BUD31: variants seen among roughly 807,000 people sequenced by gnomAD.
BUD31 encodes BUD31 spliceosome associated protein.
Under a neutral mutation model 17.9 loss-of-function variants are expected in BUD31, and 9 were observed. That is an observed-to-expected ratio of 0.50 (90% confidence interval 0.30 to 0.88). BUD31 has a LOEUF of 0.88. BUD31 is among the 40% of genes least tolerant of loss of function. The probability of loss-of-function intolerance (pLI) is 0.06; values close to 1 mark genes in which losing one functional copy is unlikely to be tolerated. For synonymous variants in BUD31, 70 were observed against 64.7 expected (o/e 1.08, Z -0.39); for missense variants, 148 against 184.5 (o/e 0.80, Z 1.15).
At chr7:99,414,581 GTACT>G (rs1189255104) in intron 3 of BUD31, among the ~76,000 whole-genome samples, 8 of 151,954 alleles carry the variant, frequency 5.3e-5, no homozygotes, top group African/African-American at 7.3e-5. Context: ...GAATATATCA[GTACT>G]TACTTCATTC....
intron 3 of BUD31, among the ~76,000 whole-genome samples, chr7:99,411,444 C>T (rs1795180956): frequency 6.6e-6 from 1 of 151,908 alleles, no homozygotes; most frequent in South Asian, 2.1e-4. Flanking sequence ...AAATATAGAT[C>T]AAATAGTCTA....
intron 4 of BUD31, among the ~76,000 whole-genome samples, chr7:99,416,546 G>A (rs1795475514): frequency 6.6e-6 from 1 of 151,692 alleles, no homozygotes; most frequent in East Asian, 1.9e-4. Context: ...CAGCTCCCAA[G>A]TAGCTGGGAT....
At chr7:99,409,608 G>A (rs1008183337) in intron 1 of BUD31, among the ~76,000 whole-genome samples, 1 of 152,106 alleles carries the variant, frequency 6.6e-6, no homozygotes, top group East Asian at 1.9e-4. Context: ...TAGCTTCAGC[G>A]TAGGGGAGAC....
chr7:99,418,070 C>G, intron 5 of BUD31: 1 of 897,744 alleles, frequency 1.1e-6, no homozygotes, highest in Non-Finnish European at 1.4e-6. Context: ...CGGGTTCAAG[C>G]GGTTCTCCTG....
chr7:99,416,336 C>T, intron 4 of BUD31, 76 bp downstream of exon 4: 2 of 1,533,610 alleles, frequency 1.3e-6, no homozygotes, highest in Admixed American at 1.8e-5. Flanking sequence ...AATCCTTATT[C>T]TCGCAACCTG....
intron 1 of BUD31, among the ~76,000 whole-genome samples, chr7:99,409,554 A>G (rs1043090343): frequency 7.2e-5 from 11 of 151,838 alleles, no homozygotes; most frequent in African/African-American, 1.7e-4. Context: ...TTCTCTTGTC[A>G]CAGACTATGC....
intron 5 of BUD31, chr7:99,418,061 G>C: frequency 1.0e-6 from 1 of 963,784 alleles, no homozygotes; most frequent in Non-Finnish European, 1.3e-6. Context: ...TCCACCTCCC[G>C]GGTTCAAGCG....
At chr7:99,417,219 AT>A in intron 4 of BUD31, 1 of 470,786 alleles carries the variant, frequency 2.1e-6, no homozygotes, top group South Asian at 2.1e-5. Flanking sequence ...CGCCCGAGTA[AT>A]TTTTGTATTT....
At chr7:99,414,304 T>C (rs1156595502) in intron 3 of BUD31, among the ~76,000 whole-genome samples, 1 of 152,092 alleles carries the variant, frequency 6.6e-6, no homozygotes, top group African/African-American at 2.4e-5. Context: ...CACGCCCGGC[T>C]AATTTTTTAA....
At chr7:99,409,406 T>C (rs1417110556) in intron 1 of BUD31, 161 bp downstream of exon 1, 1 of 152,228 alleles carries the variant, frequency 6.6e-6, no homozygotes, top group African/African-American at 2.4e-5. Flanking sequence ...ACATCTTTCT[T>C]CTCGATCTGA....
At chr7:99,411,249 A>G in intron 3 of BUD31, 63 bp downstream of exon 3, 10 of 1,242,842 alleles carry the variant, frequency 8.0e-6, no homozygotes, top group Non-Finnish European at 1.1e-5. Flanking sequence ...AGATGCCCCC[A>G]GGGGACAGGC....
intron 3 of BUD31, among the ~76,000 whole-genome samples, chr7:99,413,622 T>A (rs1255240373): frequency 6.6e-6 from 1 of 152,010 alleles, no homozygotes; most frequent in African/African-American, 2.4e-5. Context: ...TGAGACAGGG[T>A]CATCTGTCAT....
chr7:99,413,698 T>C (rs567882025), intron 3 of BUD31, among the ~76,000 whole-genome samples: 3 of 152,180 alleles, frequency 2.0e-5, no homozygotes, highest in Admixed American at 6.5e-5. Flanking sequence ...TTCAAGCACT[T>C]CTCGTGCCTC....
rs149367426 is a variant in BUD31 at position 99,413,580 on chromosome 7, C to CT, written c.94+2402dup. ...ATAGGGACCAAGGTTGGTTTTTTGGCTTTTTTTTGTTTGTTTTGTTTTGTT... is the reference window on the plus strand; with the variant it reads ...ATAGGGACCAAGGTTGGTTTTTTGGCTTTTTTTTTGTTTGTTTTGTTTTGTT... On this transcript the variant is annotated intron_variant, in intron 3 of 5. Transcript: ENST00000222969. 4.3e-3 allele frequency among the ~76,000 whole-genome samples: 658 copies of CT among 151,900 alleles called. 28 individuals carry two copies. The East Asian group carries it at 0.11, about 26-fold the overall frequency.
chr7:99,415,122 G>A (rs1795347999), intron 3 of BUD31: 1 of 437,448 alleles, frequency 2.3e-6, no homozygotes, highest in East Asian at 7.2e-5. Flanking sequence ...AAAGACACAA[G>A]ACAAAGAGAT....
chr7:99,416,111 C>T (rs770887424), intron 3 of BUD31, 27 bp from the exon 4 acceptor site: 1 of 1,611,694 alleles, frequency 6.2e-7, no homozygotes, highest in East Asian at 2.2e-5. Context: ...CCCTATTCCC[C>T]CAAACACACT....
intron 2 of BUD31, among the ~76,000 whole-genome samples, 176 bp downstream of exon 2, chr7:99,410,345 T>G (rs1795127310): frequency 6.6e-6 from 1 of 151,548 alleles, no homozygotes; most frequent in Non-Finnish European, 1.5e-5. Flanking sequence ...CAGCCTTCCG[T>G]GTAGCTCAGA....
At chr7:99,416,794 C>G (rs1462317429) in intron 4 of BUD31, 1 of 150,384 alleles carries the variant, frequency 6.6e-6, no homozygotes, top group Non-Finnish European at 1.4e-5. Flanking sequence ...AATGATGGCT[C>G]ACTGCAGCCT....
intron 3 of BUD31, among the ~76,000 whole-genome samples, chr7:99,413,803 G>C (rs1795278831): frequency 6.6e-6 from 1 of 152,116 alleles, no homozygotes; most frequent in South Asian, 2.1e-4. Context: ...TGTTGGCCAG[G>C]GTGTTCTCGA....
Sources: gnomAD v4.1 joint callset for allele counts (sites outside exome capture counted in the v4.1 genomes callset) on GRCh38, gnomAD v4.1.1 for gene constraint, MANE v1.5 for transcripts, NCBI Gene and HGNC (gene_info 2026-07-23, HGNC 2026-07-21) for gene names.